The following HDAC2 variants were observed in gnomAD, a reference collection of about 807,000 sequenced individuals.
HDAC2 encodes YY1-associated factor 1.
HDAC2 carries 5 observed loss-of-function variants against 68.5 expected under a neutral mutation model. That is an observed-to-expected ratio of 0.07 (90% confidence interval 0.04 to 0.15). The LOEUF is 0.15. Ranked by LOEUF, HDAC2 falls within the 10% of genes least tolerant of loss-of-function variation. HDAC2 has a pLI of 1.00. For missense variants in HDAC2, 291 were observed against 600.8 expected, an observed-to-expected ratio of 0.48 and a Z score of 5.39; for synonymous variants, 182 against 191.3, an observed-to-expected ratio of 0.95 and a Z score of 0.40.
chr6:113,966,429 G>A (rs893057880), intron 1 of HDAC2, among the ~76,000 whole-genome samples: 2 of 151,958 alleles, frequency 1.3e-5, no homozygotes, highest in Non-Finnish European at 2.9e-5. Flanking sequence ...GCACGTGCCT[G>A]TAATCTCAAC....
rs1163649401 is a variant in HDAC2, at chr6:113,939,695, A to AG, written c.*1362dup. ...TACTTCTTAAGGCTGGGAGGGAGGG[A>AG]GGATTACAAACGACAAAGTACACAA... On this transcript the variant is annotated 3_prime_UTR_variant, in exon 14 of 14. Coordinates refer to ENST00000519065, the MANE Select transcript of HDAC2 (RefSeq NM_001527.4). 6.6e-6 allele frequency: 1 copy of AG among 152,104 alleles called. No homozygotes were observed. The highest frequency in any genetic ancestry group is 1.9e-4 in the East Asian group (1 of 5,184). The allele number at this position is 152,104 out of a possible 1,614,324, so 9.4% of individuals were successfully genotyped here.
At position 113,940,567 on chromosome 6, in the gene HDAC2, T is replaced by C. The variant is rs572303962; in HGVS notation, c.*491A>G. On this transcript the variant is annotated 3_prime_UTR_variant, in exon 14 of 14. Coordinates refer to ENST00000519065, the MANE Select transcript of HDAC2 (RefSeq NM_001527.4). ...TTGCAAAGATAAGTAATAATTACTA[T>C]AAATACTCTTCCCAAAGAAACAGCA... 2 of 155,024 alleles carry C rather than the reference T, an allele frequency of 1.3e-5. No individual in the cohort carries two copies. Among genetic ancestry groups the C allele is most frequent in the African/African-American group, 4.8e-5 (2 of 41,592 alleles). The allele number at this position is 155,024 out of a possible 1,614,324, so 9.6% of individuals were successfully genotyped here. A position where few individuals can be genotyped will look rare whatever the true frequency, so the allele number is the denominator to read the frequency against.
At chr6:113,959,783 T>C in intron 2 of HDAC2, 123 bp downstream of exon 2, 1 of 600,008 alleles carries the variant, frequency 1.7e-6, no homozygotes, top group Non-Finnish European at 3.0e-6. Flanking sequence ...AAGAAGTTTG[T>C]TTTCTTCCAG....
In HDAC2 at chr6:113,934,508, G is replaced by C. The variant is rs1328994460; in HGVS notation, c.*6550C>G. ...ATGATGGTGTTTTGAGGTCAGGTCG[G>C]AAGTACAAACAATTTAAGATGAGGC... On this transcript the variant is annotated 3_prime_UTR_variant, in exon 14 of 14. Coordinates refer to ENST00000519065, the MANE Select transcript of HDAC2 (RefSeq NM_001527.4). The C allele has an allele frequency of 3.3e-5, 5 of 152,202 alleles. No homozygotes were observed. Among genetic ancestry groups the C allele is most frequent in the African/African-American group, 9.7e-5 (4 of 41,444 alleles). 9.4% of individuals were successfully genotyped at this position (152,202 alleles called of 1,614,324 possible). A position where few individuals can be genotyped will look rare whatever the true frequency, so the allele number is the denominator to read the frequency against.
At chr6:113,950,826 C>T (rs1776395871) in intron 6 of HDAC2, among the ~76,000 whole-genome samples, 1 of 152,038 alleles carries the variant, frequency 6.6e-6, no homozygotes. Flanking sequence ...AGCTTCAGTC[C>T]AATTTTACAA....
At chr6:113,952,962 C>T (rs923206352) in intron 6 of HDAC2, among the ~76,000 whole-genome samples, 10 of 152,156 alleles carry the variant, frequency 6.6e-5, no homozygotes, top group South Asian at 2.1e-4. Flanking sequence ...TCAATAGCAA[C>T]GTAGGCTACC....
chr6:113,944,927 C>T (rs959127445), intron 10 of HDAC2, among the ~76,000 whole-genome samples: 2 of 152,106 alleles, frequency 1.3e-5, no homozygotes, highest in African/African-American at 4.8e-5. Flanking sequence ...ACTATAATGT[C>T]TCTACTTTGC....
At chr6:113,969,372 T>C (rs1439066812) in intron 1 of HDAC2, among the ~76,000 whole-genome samples, 3 of 152,256 alleles carry the variant, frequency 2.0e-5, no homozygotes, top group East Asian at 3.8e-4. Flanking sequence ...CATTAAAAGA[T>C]TAATCCTTTT....
chr6:113,949,075 C>T lies in HDAC2; in HGVS notation c.745G>A (p.Val249Met). Residue 249 changes from valine (V) to methionine (M), a missense_variant, in exon 8 of 14, where the codon GTG becomes ATG. Physicochemically the swap from Val to Met is conservative, Grantham distance 21. Around this residue, in one of 2 missense-constraint regions of HDAC2, gnomAD observed 154 missense variants for 472.1 expected, o/e 0.33. Transcript: ENST00000519065. ...GCACTAGGTTGATACATCTCCATCA[C>T]CTTTGAGATAATCTACACACAAGAT... Reference protein sequence around the residue: ...GQIFKPIISKVMEMYQPSAVV... With the variant: ...GQIFKPIISKMMEMYQPSAVV... The T allele has an allele frequency of 6.2e-7, 1 of 1,613,634 alleles. No individual in the cohort carries two copies. Among genetic ancestry groups the T allele is most frequent in the Non-Finnish European group, 8.5e-7 (1 of 1,179,626 alleles).
Position 113,938,264 on chromosome 6 carries a change from T to G in HDAC2, c.*2794A>C, listed in dbSNP as rs1377673019. Reference sequence around the variant, plus strand: ...TTTTCATATTTACAAACTATTTATATGTATTTGTTTCCCAGTTCACATCCT... The same window carrying G: ...TTTTCATATTTACAAACTATTTATAGGTATTTGTTTCCCAGTTCACATCCT... On this transcript the variant is annotated 3_prime_UTR_variant, in exon 14 of 14. Coordinates refer to ENST00000519065, the MANE Select transcript of HDAC2 (RefSeq NM_001527.4). 2.0e-5 allele frequency: 3 copies of G among 152,252 alleles called. No individual in the cohort carries two copies. Among genetic ancestry groups the G allele is most frequent in the Admixed American group, 6.5e-5 (1 of 15,286 alleles). 9.4% of individuals were successfully genotyped at this position (152,252 alleles called of 1,614,324 possible).
chr6:113,941,671 A>G, intron 13 of HDAC2, 37 bp downstream of exon 13: 4 of 799,776 alleles, frequency 5.0e-6, no homozygotes, highest in South Asian at 2.0e-5. Flanking sequence ...GTATTTTTAT[A>G]GTATGTAAAA....
intron 5 of HDAC2, among the ~76,000 whole-genome samples, chr6:113,953,791 T>C (rs1267892884): frequency 1.3e-5 from 2 of 152,260 alleles, no homozygotes; most frequent in African/African-American, 2.4e-5. Context: ...TGGCTAACTA[T>C]GGCCCATGGC....
chr6:113,971,144 A>G lies in HDAC2; in HGVS notation c.-236T>C. 2.1e-6 allele frequency: 3 copies of G among 1,461,236 alleles called. No homozygotes were observed. The Middle Eastern group carries it at 6.1e-4, about 299-fold the overall frequency. 90.5% of individuals were successfully genotyped at this position (1,461,236 alleles called of 1,614,324 possible). ...GTGGCAGCGGCACCAACTCGCGAGGAGGGGGCCACCAAACCACCTCAGGAG... is the reference window on the plus strand; with the variant it reads ...GTGGCAGCGGCACCAACTCGCGAGGGGGGGGCCACCAAACCACCTCAGGAG... On this transcript the variant is annotated 5_prime_UTR_variant, in exon 1 of 14. Transcript: ENST00000519065.
chr6:113,943,619 G>A, intron 11 of HDAC2, 113 bp from the exon 12 acceptor site: 2 of 625,012 alleles, frequency 3.2e-6, no homozygotes, highest in Non-Finnish European at 2.5e-6. Context: ...AAACGTAAAG[G>A]GTAACATGCC....
At chr6:113,970,430 C>T in intron 1 of HDAC2, 26 of 1,022,718 alleles carry the variant, frequency 2.5e-5, no homozygotes, top group Non-Finnish European at 3.0e-5. Flanking sequence ...AATTTTGCCT[C>T]GCGGGGGACG....
chr6:113,943,685 C>T (rs913568308), intron 11 of HDAC2, among the ~76,000 whole-genome samples, 179 bp from the exon 12 acceptor site: 1 of 152,092 alleles, frequency 6.6e-6, no homozygotes, highest in Non-Finnish European at 1.5e-5. Flanking sequence ...GAAAACTTTG[C>T]TTTCATGTAT....
intron 1 of HDAC2, chr6:113,970,421 A>G: frequency 9.9e-7 from 1 of 1,013,280 alleles, no homozygotes; most frequent in Non-Finnish European, 1.2e-6. Flanking sequence ...CGGGATAGAA[A>G]TTTTGCCTCG....
intron 1 of HDAC2, 78 bp downstream of exon 1, chr6:113,970,779 G>A: frequency 6.9e-7 from 1 of 1,439,388 alleles, no homozygotes; most frequent in Non-Finnish European, 9.0e-7. Context: ...CTCAGCCCCG[G>A]CGCCCACTCG....
intron 1 of HDAC2, chr6:113,968,511 A>G (rs370910865): frequency 1.6e-4 from 24 of 152,374 alleles, no homozygotes; most frequent in Admixed American, 8.5e-4. Context: ...TAATATAAAC[A>G]TTAATAATCT....
Sources: allele counts gnomAD v4.1 joint callset (sites outside exome capture counted in the v4.1 genomes callset), GRCh38; gene constraint gnomAD v4.1.1; regional missense constraint gnomAD v4.1.1; transcripts MANE v1.5; gene names NCBI Gene and HGNC (gene_info 2026-07-23, HGNC 2026-07-21).